CNTNAP1: variants seen among roughly 807,000 people sequenced by gnomAD.
CNTNAP1 encodes the protein contactin associated protein 1, also known as contactin-associated protein 1.
Under a neutral mutation model 161.5 loss-of-function variants are expected in CNTNAP1, and 80 were observed. The observed-to-expected ratio is 0.50, with a 90% CI of 0.41 to 0.60. The LOEUF (loss-of-function observed/expected upper bound fraction) is 0.60. Ranked by LOEUF, CNTNAP1 falls within the 20% of genes least tolerant of loss-of-function variation. CNTNAP1 has a pLI of 0.00. For synonymous variants in CNTNAP1, 695 were observed against 733.1 expected (o/e 0.95, Z 0.84); for missense variants, 1,464 against 1,854.8 (o/e 0.79, Z 3.87).
chr17:42,685,543 C>G lies in CNTNAP1; in HGVS notation c.715+123C>G. ...TCTTCCACTTCTCTAAGGCCTGGAC[C>G]AAACTGCCCCTTTCTTGTAGCATTT... On this transcript the variant is annotated intron_variant, in intron 5 of 23. Transcript: ENST00000264638. This position sits in a 1 kb window ranked among gnomAD's most constrained non-coding sequence, Gnocchi z 5.0. 1 of 884,272 alleles carries G rather than the reference C, an allele frequency of 1.1e-6. No homozygotes were observed. The highest frequency in any genetic ancestry group is 1.7e-6 in the Non-Finnish European group (1 of 587,058). The allele number at this position is 884,272 out of a possible 1,614,324, so 54.8% of individuals were successfully genotyped here. A position where few individuals can be genotyped will look rare whatever the true frequency, so the allele number is the denominator to read the frequency against.
At chr17:42,696,568 C>T (rs1474226640) in intron 20 of CNTNAP1, among the ~76,000 whole-genome samples, 1 of 152,230 alleles carries the variant, frequency 6.6e-6, no homozygotes, top group Non-Finnish European at 1.5e-5. Flanking sequence ...GATGATCCGC[C>T]TACCTCAGCC....
chr17:42,683,946 G>A (rs1434503082), intron 2 of CNTNAP1, 24 bp downstream of exon 2: 6 of 1,613,492 alleles, frequency 3.7e-6, no homozygotes, highest in Non-Finnish European at 5.1e-6. Context: ...AACATCAGCT[G>A]CCAACTGGCA....
rs751141752 is a variant in CNTNAP1, at chr17:42,691,837, C to A, written c.2376C>A (p.Thr792=). The change falls in exon 16 of 24, where the codon ACC becomes ACA. Residue 792 remains threonine, a synonymous_variant. Transcript: ENST00000264638. This position sits in a 1 kb window ranked among gnomAD's most constrained non-coding sequence, Gnocchi z 4.3. ...RNSWNTISFH[T]GAALRFPPIR... ...CCTGGAACACCATTTCCTTCCACAC[C>A]GGGGCTGCACTACGCTTCCCCCCAA... 1.9e-6 allele frequency: 3 copies of A among 1,613,960 alleles called. No individual in the cohort carries two copies. The African/African-American group carries it at 4.0e-5, about 22-fold the overall frequency.
chr17:42,698,003 A>G (rs1196733725), intron 23 of CNTNAP1, 53 bp downstream of exon 23: 1 of 1,600,874 alleles, frequency 6.2e-7, no homozygotes, highest in African/African-American at 1.3e-5. Context: ...TCTGACTGTC[A>G]GCATCCTTTC....
intron 11 of CNTNAP1, chr17:42,689,838 T>C: frequency 1.7e-6 from 1 of 580,616 alleles, no homozygotes; most frequent in Non-Finnish European, 3.0e-6. Context: ...CCTCCTGGGT[T>C]CAAGCGATTC....
intron 23 of CNTNAP1, among the ~76,000 whole-genome samples, chr17:42,698,306 G>A (rs949026016): frequency 6.6e-6 from 1 of 152,180 alleles, no homozygotes; most frequent in African/African-American, 2.4e-5. Flanking sequence ...TAACTACCAG[G>A]GATGTGGAAA....
chr17:42,693,629 C>T, intron 18 of CNTNAP1, 93 bp downstream of exon 18: 1 of 1,529,588 alleles, frequency 6.5e-7, no homozygotes, highest in Non-Finnish European at 8.9e-7. Context: ...AAGCCCATAT[C>T]ATGGAAAATT....
In CNTNAP1 at chr17:42,698,684, G is replaced by A. The variant is rs766922644; in HGVS notation, c.3929G>A (p.Arg1310His). ...MLVLFYLQNH[R>H]YKGSYHTNEP... ...GTGCTCTTCTATCTGCAAAATCATC[G>A]CTATAAGGGCTCCTACCATACCAAT... Residue 1310 changes from arginine to histidine, a missense_variant, in exon 24 of 24, where the codon CGC becomes CAC. By Grantham distance (29) the Arg-to-His change is conservative. Around this residue, in one of 3 missense-constraint regions of CNTNAP1, gnomAD observed 1,383 missense variants for 1,765.0 expected, o/e 0.78. Coordinates refer to ENST00000264638, the MANE Select transcript of CNTNAP1 (RefSeq NM_003632.3). 90 of 1,611,736 alleles carry A rather than the reference G, an allele frequency of 5.6e-5. No homozygotes were observed. Among genetic ancestry groups the A allele is most frequent in the Non-Finnish European group, 7.3e-5 (86 of 1,178,732 alleles).
chr17:42,698,659 G>A lies in CNTNAP1; in HGVS notation c.3904G>A (p.Val1302Met), dbSNP rs750479086. Residue 1302 changes from valine (V) to methionine (M), a missense_variant, in exon 24 of 24, where the codon GTG (valine) becomes ATG (methionine). Val to Met is a conservative substitution (Grantham distance 21, BLOSUM62 1). Transcript: ENST00000264638. Reference protein sequence around the residue: ...FLLLGLVGMLVLFYLQNHRYK... With the variant: ...FLLLGLVGMLMLFYLQNHRYK... The stretch of plus-strand genomic sequence containing the variant: ...GCTGCTGGGGCTGGTGGGAATGTTG[G>A]TGCTCTTCTATCTGCAAAATCATCG... The A allele has an allele frequency of 2.5e-6, 4 of 1,605,664 alleles. No homozygotes were observed. Among genetic ancestry groups the A allele is most frequent in the East Asian group, 4.5e-5 (2 of 44,630 alleles).
In CNTNAP1 at chr17:42,690,688, G is replaced by C. The variant is rs375150402; in HGVS notation, c.1856-51G>C. The C allele has an allele frequency of 2.6e-4, 409 of 1,574,876 alleles. 1 individual carries two copies. The highest frequency in any genetic ancestry group is 3.4e-4 in the Non-Finnish European group (391 of 1,149,534). ...GGTGGTGGAGGTGGGCAGGGAGATG[G>C]GTAGAGAATGCCCAACTCCAGCCAA... On this transcript the variant is annotated intron_variant, in intron 12 of 23. Transcript: ENST00000264638.
At chr17:42,690,236 G>T (rs2053067687) in intron 12 of CNTNAP1, 29 bp downstream of exon 12, 1 of 1,612,938 alleles carries the variant, frequency 6.2e-7, no homozygotes, top group African/African-American at 1.3e-5. Flanking sequence ...TGGTGAGGGG[G>T]TGAGGGGAGA....
intron 20 of CNTNAP1, 78 bp downstream of exon 20, chr17:42,696,230 A>G: frequency 6.4e-7 from 1 of 1,551,008 alleles, no homozygotes; most frequent in Non-Finnish European, 8.8e-7. Context: ...AACATCAAAT[A>G]CTTAATATTT....
intron 8 of CNTNAP1, 61 bp from the exon 9 acceptor site, chr17:42,688,401 A>G (rs2053044646): frequency 6.2e-7 from 1 of 1,610,482 alleles, no homozygotes; most frequent in Non-Finnish European, 8.5e-7. Context: ...CCCCACTCAG[A>G]ACATTCTTCT....
intron 18 of CNTNAP1, among the ~76,000 whole-genome samples, chr17:42,694,592 T>C (rs2053130562): frequency 1.3e-5 from 2 of 150,180 alleles, no homozygotes; most frequent in Non-Finnish European, 1.5e-5. Flanking sequence ...ATCGTGCCAC[T>C]GCACTCCAGC....
intron 1 of CNTNAP1, 64 bp from the exon 2 acceptor site, chr17:42,683,757 G>C: frequency 6.4e-7 from 1 of 1,557,258 alleles, no homozygotes; most frequent in Admixed American, 1.9e-5. Context: ...TCGCTAAGTG[G>C]GCCGGCCTTT....
chr17:42,696,296 T>C (rs2053151176), intron 20 of CNTNAP1, 144 bp downstream of exon 20: 1 of 985,030 alleles, frequency 1.0e-6, no homozygotes, highest in Non-Finnish European at 1.4e-6. Context: ...CATGTAACCC[T>C]CACAATAGCT....
chr17:42,684,306 GA>G (rs1202564552), intron 3 of CNTNAP1, 77 bp downstream of exon 3: 6 of 1,400,004 alleles, frequency 4.3e-6, no homozygotes, highest in Non-Finnish European at 5.9e-6. Flanking sequence ...CAGCCTCTGG[GA>G]AAATGGAGGG....
rs765715419 is a variant in CNTNAP1 at position 42,696,123 on chromosome 17, A to G, written c.3445A>G (p.Thr1149Ala). Residue 1149 changes from threonine (T) to alanine (A), a missense_variant, in exon 20 of 24, where the codon ACC (threonine) becomes GCC (alanine). By Grantham distance (58) the Thr-to-Ala change is moderately conservative. Around this residue, in one of 3 missense-constraint regions of CNTNAP1, gnomAD observed 1,383 missense variants for 1,765.0 expected, o/e 0.78. Transcript: ENST00000264638. ...TGGCCAGCCCCATAGCATCAATATCACCCGTGTTTACCGGAACCTCTTCAT... is the reference window on the plus strand; with the variant it reads ...TGGCCAGCCCCATAGCATCAATATCGCCCGTGTTTACCGGAACCTCTTCAT... The part of the protein sequence containing the change: ...TDGQPHSINI[T>A]RVYRNLFIQV... The G allele has an allele frequency of 1.2e-6, 2 of 1,613,870 alleles. No individual in the cohort carries two copies. Among genetic ancestry groups the G allele is most frequent in the South Asian group, 2.2e-5 (2 of 91,064 alleles).
intron 1 of CNTNAP1, chr17:42,683,113 T>A (rs2052958772): frequency 6.5e-6 from 4 of 612,784 alleles, no homozygotes; most frequent in Non-Finnish European, 1.1e-5. Flanking sequence ...GGGAAGAGGA[T>A]GAAGTCAGCG....
Sources: gnomAD v4.1 joint callset for allele counts (sites outside exome capture counted in the v4.1 genomes callset) on GRCh38, gnomAD v4.1.1 for gene constraint, gnomAD v4.1.1 regional missense constraint, Gnocchi (gnomAD v3.1) non-coding constraint, MANE v1.5 for transcripts, NCBI Gene and HGNC (gene_info 2026-07-23, HGNC 2026-07-21) for gene names.